GPR161: variants seen among roughly 807,000 people sequenced by gnomAD.
GPR161 encodes the protein G protein-coupled receptor 161, also known as G-protein coupled receptor RE2.
GPR161 carries 25 observed loss-of-function variants against 39.2 expected under a neutral mutation model. The ratio of observed to expected loss-of-function variants is 0.64; its 90% confidence interval spans 0.47 to 0.89. The LOEUF (loss-of-function observed/expected upper bound fraction) is 0.89. Ranked by LOEUF, GPR161 falls within the 40% of genes least tolerant of loss-of-function variation. The pLI, the probability that GPR161 is intolerant of heterozygous loss-of-function variation, is 0.00. For synonymous variants in GPR161, 286 were observed against 276.6 expected (o/e 1.03, Z -0.34); for missense variants, 547 against 677.8 (o/e 0.81, Z 2.14).
chr1:168,081,554 C>G lies in GPR161; in HGVS notation c.*3977G>C, dbSNP rs1250144985. ...CAGACAGTCACCCTGTGACGGAGGA[C>G]TCCCTCAATCCTGTGTGTCTCCACA... On this transcript the variant is annotated 3_prime_UTR_variant, in exon 6 of 6. Coordinates refer to ENST00000682931, the MANE Select transcript of GPR161 (RefSeq NM_001375883.1). The G allele has an allele frequency of 6.6e-6, 1 of 152,226 alleles. No homozygotes were observed. Among genetic ancestry groups the G allele is most frequent in the Non-Finnish European group, 1.5e-5 (1 of 68,046 alleles). The allele number at this position is 152,226 out of a possible 1,614,324, so 9.4% of individuals were successfully genotyped here. A position where few individuals can be genotyped will look rare whatever the true frequency, so the allele number is the denominator to read the frequency against.
At chr1:168,097,302 C>T (rs1166790560) in intron 2 of GPR161, 70 bp from the exon 3 acceptor site, 1 of 1,502,336 alleles carries the variant, frequency 6.7e-7, no homozygotes, top group African/African-American at 1.4e-5. Flanking sequence ...CTTCCTGCGT[C>T]AGGGGCTCCC....
rs142512481 is a variant in GPR161, at chr1:168,104,755, G to A, written c.96C>T (p.Ile32=). The change falls in exon 2 of 6, where the codon ATC becomes ATT. Residue 32 remains isoleucine (I), a synonymous_variant. Transcript: ENST00000682931. The part of the protein sequence containing the change: ...GEGGVIITQF[I]AIIVITIFVC... ...CAAAAATGGTGATGACAATGATGGC[G>A]ATGAACTGGGTGATGATGACGCCCC... 5.6e-5 allele frequency: 91 copies of A among 1,614,020 alleles called. No homozygotes were observed. The African/African-American group carries it at 1.0e-3, about 18-fold the overall frequency.
At chr1:168,091,328 G>A (rs275153) in intron 3 of GPR161, among the ~76,000 whole-genome samples, 7,148 of 152,238 alleles carry the variant, frequency 0.047, 524 homozygotes, top group African/African-American at 0.16. Flanking sequence ...GCACAGCCGC[G>A]GCAGAAGCGA....
intron 1 of GPR161, among the ~76,000 whole-genome samples, chr1:168,134,723 T>G (rs1473804992): frequency 6.6e-6 from 1 of 152,066 alleles, no homozygotes; most frequent in African/African-American, 2.4e-5. Context: ...ATTTACAGTT[T>G]CCCCCAAAAC....
chr1:168,096,497 G>C lies in GPR161; in HGVS notation c.1099+11C>G. 1.2e-6 allele frequency: 2 copies of C among 1,609,706 alleles called. No homozygotes were observed. The highest frequency in any genetic ancestry group is 1.7e-6 in the Non-Finnish European group (2 of 1,177,674). ...GCCTCGGAGGGGCTATCCTAACAAT[G>C]CCCAAGTTACCTGTGATCCTGTTGG... On this transcript the variant is annotated intron_variant, in intron 3 of 5. Coordinates refer to ENST00000682931, the MANE Select transcript of GPR161 (RefSeq NM_001375883.1).
intron 1 of GPR161, among the ~76,000 whole-genome samples, chr1:168,116,073 A>G (rs1447270592): frequency 6.6e-6 from 1 of 152,106 alleles, no homozygotes; most frequent in Non-Finnish European, 1.5e-5. Context: ...CACCACGCCC[A>G]GCCTGAAAAT....
At chr1:168,126,391 G>A (rs1330035137) in intron 1 of GPR161, among the ~76,000 whole-genome samples, 1 of 152,120 alleles carries the variant, frequency 6.6e-6, no homozygotes, top group Non-Finnish European at 1.5e-5. Context: ...CCGGTCTAGG[G>A]TTTGCCTTTT....
intron 1 of GPR161, among the ~76,000 whole-genome samples, chr1:168,120,314 G>T (rs1698062237): frequency 1.3e-5 from 2 of 152,182 alleles, no homozygotes. Context: ...AGACTTGCAT[G>T]GGGTCTGTGG....
chr1:168,136,454 A>C, intron 1 of GPR161: 1 of 1,299,294 alleles, frequency 7.7e-7, no homozygotes, highest in Non-Finnish European at 9.8e-7. Flanking sequence ...GGCTGCACCC[A>C]GCAGAATGGG....
At position 168,096,631 on chromosome 1, in the gene GPR161, G is replaced by C. The variant is rs747045235; in HGVS notation, c.976C>G (p.Leu326Val). 7 of 1,614,110 alleles carry C rather than the reference G, an allele frequency of 4.3e-6. No individual in the cohort carries two copies. The South Asian group carries it at 5.5e-5, about 13-fold the overall frequency. ...TCTTTGCGAACTGTCTTGTTCCAGA[G>C]TCCATAGATCAGGGGGTGGCAGACA... ...SAVCHPLIYG[L>V]WNKTVRKELL... Residue 326 changes from leucine to valine, a missense_variant, in exon 3 of 6, where the codon CTC (leucine) becomes GTC (valine). Physicochemically the swap from Leu to Val is conservative, Grantham distance 32. Transcript: ENST00000682931.
At chr1:168,118,062 G>T (rs1285916739) in intron 1 of GPR161, among the ~76,000 whole-genome samples, 1 of 152,192 alleles carries the variant, frequency 6.6e-6, no homozygotes, top group Admixed American at 6.5e-5. Context: ...AGTCACAGAT[G>T]ACCCTGGATT....
At chr1:168,136,093 C>A (rs1047110701) in intron 1 of GPR161, 69 of 1,259,850 alleles carry the variant, frequency 5.5e-5, no homozygotes, top group Non-Finnish European at 6.7e-5. Context: ...GAGGGCTGGT[C>A]GAGTTCTCCC....
Position 168,084,812 on chromosome 1 carries a change from C to T in GPR161, c.*719G>A, listed in dbSNP as rs542496425. 26 of 456,200 alleles carry T rather than the reference C, an allele frequency of 5.7e-5. 1 individual carries two copies. The highest frequency in any genetic ancestry group is 4.0e-4 in the South Asian group (26 of 64,552). The allele number at this position is 456,200 out of a possible 1,614,324, so 28.3% of individuals were successfully genotyped here. On this transcript the variant is annotated 3_prime_UTR_variant, in exon 6 of 6. Coordinates refer to ENST00000682931, the MANE Select transcript of GPR161 (RefSeq NM_001375883.1). ...AATGAAACACCTAGTACCTGCCCTT[C>T]CTCTTGTCTTTTATAGTGGTTTCTC...
At position 168,081,704 on chromosome 1, in the gene GPR161, C is replaced by T. The variant is rs781319889; in HGVS notation, c.*3827G>A. The T allele has an allele frequency of 6.6e-6, 1 of 152,272 alleles. No individual in the cohort carries two copies. The highest frequency in any genetic ancestry group is 1.5e-5 in the Non-Finnish European group (1 of 68,078). The allele number at this position is 152,272 out of a possible 1,614,324, so 9.4% of individuals were successfully genotyped here. ...CATGACTTAACCATACCCACGTCTT[C>T]ACCATCCTCACTATATCACACTTGC... On this transcript the variant is annotated 3_prime_UTR_variant, in exon 6 of 6. Transcript: ENST00000682931.
In GPR161 at chr1:168,096,561, A is replaced by G; in HGVS notation, c.1046T>C (p.Phe349Ser). 3 of 1,614,176 alleles carry G rather than the reference A, an allele frequency of 1.9e-6. No homozygotes were observed. Among genetic ancestry groups the G allele is most frequent in the Admixed American group, 1.7e-5 (1 of 60,016 alleles). The change falls in exon 3 of 6, where the codon TTT (phenylalanine) becomes TCT (serine). Residue 349 changes from phenylalanine to serine, a missense_variant. Transcript: ENST00000682931. The stretch of plus-strand genomic sequence containing the variant: ...CCTGGAAGTCCTCTGTCGTTGCACA[A>G]ATGGTTCCCGATAATACCGGTCCCC... Reference protein sequence around the residue: ...CFGDRYYREPFVQRQRTSRLF... With the variant: ...CFGDRYYREPSVQRQRTSRLF...
chr1:168,089,224 A>C (rs996056996), intron 4 of GPR161: 2 of 149,184 alleles, frequency 1.3e-5, no homozygotes, highest in East Asian at 3.9e-4. Flanking sequence ...TGAATGTTGC[A>C]GTGCCTCTGG....
At chr1:168,133,514 T>A (rs1055826106) in intron 1 of GPR161, among the ~76,000 whole-genome samples, 1 of 152,248 alleles carries the variant, frequency 6.6e-6, no homozygotes, top group Admixed American at 6.5e-5. Context: ...AATACTATGT[T>A]ATTATTAAAA....
At chr1:168,101,875 C>T (rs992724500) in intron 2 of GPR161, among the ~76,000 whole-genome samples, 5 of 151,656 alleles carry the variant, frequency 3.3e-5, no homozygotes, top group African/African-American at 4.9e-5. Context: ...GGCATGATCT[C>T]GGCTCACTGC....
upstream of GPR161, chr1:168,136,998 C>T (rs1699437633): frequency 2.3e-6 from 2 of 883,164 alleles, no homozygotes; most frequent in Non-Finnish European, 2.7e-6. Flanking sequence ...GCCCCCGGAG[C>T]CCCGAGCCGC....
Sources: gnomAD v4.1 joint callset for allele counts (sites outside exome capture counted in the v4.1 genomes callset) on GRCh38, gnomAD v4.1.1 for gene constraint, MANE v1.5 for transcripts, NCBI Gene and HGNC (gene_info 2026-07-23, HGNC 2026-07-21) for gene names.